FOXP1: variants seen among roughly 807,000 people sequenced by gnomAD.
The protein encoded by FOXP1 is forkhead box P1, also known as forkhead box protein P1.
FOXP1 carries 15 observed loss-of-function variants against 98.2 expected under a neutral mutation model. The observed-to-expected ratio is 0.15, with a 90% CI of 0.10 to 0.24. FOXP1 has a LOEUF of 0.24. FOXP1 is among the 10% of genes least tolerant of loss of function. The probability of loss-of-function intolerance (pLI) is 1.00; values close to 1 mark genes in which losing one functional copy is unlikely to be tolerated. For synonymous variants in FOXP1, 371 were observed against 314.5 expected, an observed-to-expected ratio of 1.18 and a Z score of -1.90; for missense variants, 633 against 848.5, an observed-to-expected ratio of 0.75 and a Z score of 3.15.
intron 2 of FOXP1, among the ~76,000 whole-genome samples, chr3:71,568,111 G>A (rs564057401): frequency 6.6e-6 from 1 of 151,372 alleles, no homozygotes; most frequent in South Asian, 2.1e-4. Flanking sequence ...AGAAAAGGAA[G>A]GGAAGGGGAG....
chr3:71,472,038 A>C (rs2089407777), intron 3 of FOXP1, among the ~76,000 whole-genome samples: 1 of 152,194 alleles, frequency 6.6e-6, no homozygotes, highest in Non-Finnish European at 1.5e-5. Flanking sequence ...TTTATTATGA[A>C]GTCAGTGAGT....
At chr3:71,528,940 T>C (rs568721666) in intron 2 of FOXP1, among the ~76,000 whole-genome samples, 1 of 152,346 alleles carries the variant, frequency 6.6e-6, no homozygotes, top group South Asian at 2.1e-4. Context: ...ATGTTTAACT[T>C]AGTAATGCTA....
chr3:71,098,394 A>T (rs948278085), intron 7 of FOXP1, among the ~76,000 whole-genome samples: 2 of 152,226 alleles, frequency 1.3e-5, no homozygotes, highest in African/African-American at 4.8e-5. Flanking sequence ...GGCACAGGGC[A>T]TTAGGGTAGT....
chr3:71,339,228 A>T (rs986784182), intron 4 of FOXP1, among the ~76,000 whole-genome samples: 1 of 152,282 alleles, frequency 6.6e-6, no homozygotes, highest in Admixed American at 6.5e-5. Flanking sequence ...TTACAACAAC[A>T]CAAGTATCAT....
chr3:71,444,668 A>AC (rs1303460452), intron 3 of FOXP1, among the ~76,000 whole-genome samples: 7 of 152,088 alleles, frequency 4.6e-5, no homozygotes, highest in Non-Finnish European at 8.8e-5. Context: ...TTGCTCCTGG[A>AC]CCCCACTTTT....
At chr3:71,565,709 T>C (rs1457791675) in intron 2 of FOXP1, among the ~76,000 whole-genome samples, 1 of 152,234 alleles carries the variant, frequency 6.6e-6, no homozygotes, top group Admixed American at 6.5e-5. Flanking sequence ...GCCATCTATT[T>C]AGTAAATAAA....
At chr3:71,498,813 A>G (rs1208270519) in intron 2 of FOXP1, among the ~76,000 whole-genome samples, 1 of 152,186 alleles carries the variant, frequency 6.6e-6, no homozygotes, top group African/African-American at 2.4e-5. Context: ...TGCATTCCAT[A>G]GGTCCAAGAC....
At chr3:71,527,889 T>A (rs935636268) in intron 2 of FOXP1, among the ~76,000 whole-genome samples, 3 of 152,248 alleles carry the variant, frequency 2.0e-5, no homozygotes, top group African/African-American at 7.2e-5. Context: ...ATAAACTGGT[T>A]TCCTTTTAAA....
intron 2 of FOXP1, among the ~76,000 whole-genome samples, chr3:71,558,800 C>T (rs1277742452): frequency 8.7e-6 from 1 of 115,572 alleles, no homozygotes; most frequent in Non-Finnish European, 1.8e-5. Context: ...AGCCGATTCT[C>T]ACTTTTTTTT....
At chr3:71,218,497 C>T (rs2065111642) in intron 5 of FOXP1, among the ~76,000 whole-genome samples, 1 of 152,150 alleles carries the variant, frequency 6.6e-6, no homozygotes, top group South Asian at 2.1e-4. Context: ...GCATCCCCTT[C>T]CTCTGCTCAT....
chr3:71,168,191 T>C (rs1422652239), intron 6 of FOXP1, among the ~76,000 whole-genome samples: 1 of 152,130 alleles, frequency 6.6e-6, no homozygotes, highest in Non-Finnish European at 1.5e-5. Context: ...CGCAACTCTA[T>C]GCAAAATGTG....
intron 3 of FOXP1, among the ~76,000 whole-genome samples, chr3:71,389,238 C>CGT (rs2080838680): frequency 2.8e-4 from 1 of 3,562 alleles, no homozygotes; most frequent in African/African-American, 1.8e-3. Flanking sequence ...CTGTAAGCGG[C>CGT]GGGGGGGGGG....
At chr3:71,458,029 G>T (rs551023131) in intron 3 of FOXP1, among the ~76,000 whole-genome samples, 1 of 151,958 alleles carries the variant, frequency 6.6e-6, no homozygotes. Flanking sequence ...CTCCATTTTC[G>T]TAATCTCACA....
At chr3:71,453,103 T>C (rs2087122436) in intron 3 of FOXP1, among the ~76,000 whole-genome samples, 1 of 152,198 alleles carries the variant, frequency 6.6e-6, no homozygotes, top group Non-Finnish European at 1.5e-5. Context: ...CAGCCCCCTG[T>C]AATACAGCTT....
chr3:71,454,015 T>C (rs2108509347), intron 3 of FOXP1, among the ~76,000 whole-genome samples: 1 of 152,330 alleles, frequency 6.6e-6, no homozygotes, highest in East Asian at 1.9e-4. Context: ...CCTCTTCTGC[T>C]GTCTAATCCT....
chr3:71,521,152 A>G (rs1294848952), intron 2 of FOXP1, among the ~76,000 whole-genome samples: 1 of 151,924 alleles, frequency 6.6e-6, no homozygotes, highest in African/African-American at 2.4e-5. Flanking sequence ...GCAGCAAGGA[A>G]AGCTCCTGAA....
intron 3 of FOXP1, among the ~76,000 whole-genome samples, chr3:71,366,072 G>C (rs943466026): frequency 6.6e-6 from 1 of 152,170 alleles, no homozygotes; most frequent in Non-Finnish European, 1.5e-5. Flanking sequence ...GAAACAATGA[G>C]TCAAATGTAT....
chr3:71,540,154 A>T (rs570432237), intron 2 of FOXP1, among the ~76,000 whole-genome samples: 1 of 152,396 alleles, frequency 6.6e-6, no homozygotes, highest in South Asian at 2.1e-4. Context: ...CTCAAGCATG[A>T]CACAAGTTTG....
intron 4 of FOXP1, chr3:71,329,696 C>T (rs2076181478): frequency 6.6e-6 from 1 of 152,046 alleles, no homozygotes; most frequent in Non-Finnish European, 1.5e-5. Flanking sequence ...AGAATTTGAT[C>T]ATGGTTTGAG....
Sources: gnomAD v4.1 joint callset for allele counts (sites outside exome capture counted in the v4.1 genomes callset) on GRCh38, gnomAD v4.1.1 for gene constraint, MANE v1.5 for transcripts, NCBI Gene and HGNC (gene_info 2026-07-23, HGNC 2026-07-21) for gene names.